Variants in OCA2 observed in about 807,000 individuals in gnomAD.
The protein encoded by OCA2 is P protein.
In OCA2, 77 loss-of-function variants were observed where a neutral mutation model predicts 100.2. The ratio of observed to expected loss-of-function variants is 0.77; its 90% CI spans 0.64 to 0.93. The LOEUF is 0.93. Ranked by LOEUF, OCA2 falls within the 40% of genes least tolerant of loss-of-function variation. OCA2 has a pLI of 0.00. For synonymous variants in OCA2, 432 were observed against 439.2 expected, an observed-to-expected ratio of 0.98 and a Z score of 0.21; for missense variants, 1,062 against 1,089.1, an observed-to-expected ratio of 0.98 and a Z score of 0.35.
At chr15:27,856,147 G>A (rs755348094) in intron 21 of OCA2, among the ~76,000 whole-genome samples, 39 of 152,102 alleles carry the variant, frequency 2.6e-4, no homozygotes, top group Non-Finnish European at 4.3e-4. Context: ...GCCTGTGTGC[G>A]TCTGTGCCAA....
intron 23 of OCA2, among the ~76,000 whole-genome samples, chr15:27,780,509 C>T (rs1344169445): frequency 6.6e-6 from 1 of 152,192 alleles, no homozygotes; most frequent in Non-Finnish European, 1.5e-5. Context: ...GCCTGCCTGT[C>T]CCAACTCCCA....
chr15:27,939,890 A>G (rs2039585376), intron 18 of OCA2, among the ~76,000 whole-genome samples: 1 of 152,226 alleles, frequency 6.6e-6, no homozygotes. Context: ...GTAGCAAGTA[A>G]CGTTTACTCC....
At chr15:27,763,637 G>A (rs1264346979) in intron 23 of OCA2, among the ~76,000 whole-genome samples, 1 of 152,166 alleles carries the variant, frequency 6.6e-6, no homozygotes, top group East Asian at 1.9e-4. Flanking sequence ...GGCTATGGTA[G>A]GGCCCTTCCT....
At chr15:28,034,049 C>G (rs1403173467) in intron 2 of OCA2, among the ~76,000 whole-genome samples, 2 of 152,092 alleles carry the variant, frequency 1.3e-5, no homozygotes, top group Non-Finnish European at 2.9e-5. Flanking sequence ...GTAGTCCCAG[C>G]AAGGTGGGAG....
At chr15:27,895,430 CT>C in intron 19 of OCA2, among the ~76,000 whole-genome samples, 1 of 152,290 alleles carries the variant, frequency 6.6e-6, no homozygotes, top group East Asian at 1.9e-4. Context: ...TTCCTACAGA[CT>C]TGTTGAATGG....
chr15:27,915,558 C>T (rs2038635841), intron 19 of OCA2, among the ~76,000 whole-genome samples: 1 of 152,058 alleles, frequency 6.6e-6, no homozygotes, highest in Non-Finnish European at 1.5e-5. Context: ...ACATGAATAG[C>T]TATTTCTCAA....
At chr15:27,902,211 T>G (rs201197997) in intron 19 of OCA2, among the ~76,000 whole-genome samples, 13 of 68,038 alleles carry the variant, frequency 1.9e-4, no homozygotes, top group African/African-American at 8.0e-4. Context: ...AAAGTTGTTG[T>G]TGTTGTTGTT....
At chr15:28,066,726 G>C (rs1467511774) in intron 2 of OCA2, among the ~76,000 whole-genome samples, 1 of 152,126 alleles carries the variant, frequency 6.6e-6, no homozygotes, top group Admixed American at 6.5e-5. Context: ...GAAGAGATTA[G>C]CTGAGAGTCT....
At chr15:27,833,157 A>G (rs2035026495) in intron 23 of OCA2, among the ~76,000 whole-genome samples, 1 of 152,212 alleles carries the variant, frequency 6.6e-6, no homozygotes, top group South Asian at 2.1e-4. Context: ...AACCTTGTAA[A>G]GAAATGTCCA....
chr15:28,071,501 G>A (rs558297810), intron 2 of OCA2, among the ~76,000 whole-genome samples: 3 of 152,268 alleles, frequency 2.0e-5, no homozygotes, highest in South Asian at 2.1e-4. Flanking sequence ...AAGGCATCAC[G>A]TTACCCAACT....
chr15:28,056,868 G>A (rs2043716410), intron 2 of OCA2, among the ~76,000 whole-genome samples: 1 of 152,250 alleles, frequency 6.6e-6, no homozygotes, highest in Non-Finnish European at 1.5e-5. Context: ...CTCGGAGCCA[G>A]GCAACGAGGA....
intron 2 of OCA2, among the ~76,000 whole-genome samples, chr15:28,068,718 G>C (rs1413271994): frequency 6.6e-6 from 1 of 152,228 alleles, no homozygotes; most frequent in African/African-American, 2.4e-5. Context: ...ATAAAATCAA[G>C]TAGCACATCG....
chr15:28,004,318 C>G (rs979408060), intron 9 of OCA2, among the ~76,000 whole-genome samples: 3 of 151,704 alleles, frequency 2.0e-5, no homozygotes, highest in Non-Finnish European at 2.9e-5. Flanking sequence ...GCATTGTCCC[C>G]GGGACACTCT....
rs555990677 is a variant in OCA2 at position 28,057,119 on chromosome 15, C to T, written c.227+24529G>A. Among the ~76,000 whole-genome samples the T allele has an allele frequency of 8.1e-4, 123 of 152,364 alleles. 1 individual carries two copies. Among genetic ancestry groups the T allele is most frequent in the African/African-American group, 2.9e-3 (119 of 41,590 alleles). On this transcript the variant is annotated intron_variant, in intron 2 of 23. Transcript: ENST00000354638. ...ATGATTGATAGCATAAAATAGAACACATGTTTCAGAAAGGATTCTGGCACA... is the reference window on the plus strand; with the variant it reads ...ATGATTGATAGCATAAAATAGAACATATGTTTCAGAAAGGATTCTGGCACA...
At chr15:27,911,244 A>C (rs536746345) in intron 19 of OCA2, among the ~76,000 whole-genome samples, 3 of 152,060 alleles carry the variant, frequency 2.0e-5, no homozygotes, top group Non-Finnish European at 4.4e-5. Context: ...ACATGGCAAA[A>C]TCCTGTCTCT....
chr15:28,094,236 G>A (rs1247567570), intron 1 of OCA2, among the ~76,000 whole-genome samples: 1 of 152,086 alleles, frequency 6.6e-6, no homozygotes, highest in East Asian at 1.9e-4. Flanking sequence ...CCCGTCCTCT[G>A]GGGTGACCCT....
At chr15:27,735,269 A>C in the OCA2 span, among the ~76,000 whole-genome samples, 4 of 152,190 alleles carry the variant, frequency 2.6e-5, no homozygotes, top group Admixed American at 2.6e-4. Context: ...AAACAGAAGA[A>C]AGAATCTTCA....
chr15:27,892,842 G>A (rs1022345812), intron 19 of OCA2, among the ~76,000 whole-genome samples: 3 of 151,974 alleles, frequency 2.0e-5, no homozygotes, highest in Non-Finnish European at 4.4e-5. Flanking sequence ...AAAGGAGAGA[G>A]ACACAAATCA....
At chr15:27,888,744 CCG>C (rs920922907) in intron 19 of OCA2, among the ~76,000 whole-genome samples, 1 of 151,598 alleles carries the variant, frequency 6.6e-6, no homozygotes. Flanking sequence ...TTGAAGAAGG[CCG>C]TGTGTGTGTG....
Sources: gnomAD v4.1 joint callset for allele counts (sites outside exome capture counted in the v4.1 genomes callset) on GRCh38, gnomAD v4.1.1 for gene constraint, MANE v1.5 for transcripts, NCBI Gene and HGNC (gene_info 2026-07-23, HGNC 2026-07-21) for gene names.